The following SLC44A2 variants were observed in gnomAD, a reference collection of about 807,000 sequenced individuals.
SLC44A2 encodes choline transporter-like protein 2.
In SLC44A2, 57 loss-of-function variants were observed where a neutral mutation model predicts 90.8. The ratio of observed to expected loss-of-function variants is 0.63; its 90% confidence interval spans 0.51 to 0.78. The LOEUF (loss-of-function observed/expected upper bound fraction) is 0.78, where lower values mean the gene tolerates loss of function less well. SLC44A2 is among the 30% of genes least tolerant of loss of function. SLC44A2 has a pLI of 0.00. For synonymous variants in SLC44A2, 355 were observed against 360.7 expected (o/e 0.98, Z 0.18); for missense variants, 794 against 919.7 (o/e 0.86, Z 1.77).
At chr19:10,617,027 T>G (rs1010119530) in intron 1 of SLC44A2, among the ~76,000 whole-genome samples, 3 of 152,130 alleles carry the variant, frequency 2.0e-5, no homozygotes, top group Non-Finnish European at 4.4e-5. Context: ...GTTCATGCCA[T>G]TCTCCTGGCT....
At chr19:10,635,389 G>A (rs763564531) in intron 13 of SLC44A2, 42 bp from the exon 14 acceptor site, 3 of 1,610,816 alleles carry the variant, frequency 1.9e-6, no homozygotes, top group African/African-American at 1.3e-5. Context: ...AAGTCCCTGG[G>A]GTCCTCAGTC....
Position 10,608,954 on chromosome 19 carries a change from CTTTTTTTTT to C in SLC44A2, c.31+6406_31+6414del, listed in dbSNP as rs35684067. Among the ~76,000 whole-genome samples the C allele has an allele frequency of 2.7e-5, 3 of 111,200 alleles. No homozygotes were observed. In the South Asian group the frequency reaches 9.4e-4, roughly 35 times the overall value. 73.0% of individuals were successfully genotyped at this position (111,200 alleles called of 152,430 possible). A position where few individuals can be genotyped will look rare whatever the true frequency, so the allele number is the denominator to read the frequency against. On this transcript the variant is annotated intron_variant, in intron 1 of 21. Transcript: ENST00000407327. ...TCGTGAGCCACTGCACCCAGCCTAC[CTTTTTTTTT>C]TTTTTTTTTTTTGAGATGGAGTCTT...
At position 10,635,773 on chromosome 19, in the gene SLC44A2, C is replaced by CTTTT. The variant is rs773477557; in HGVS notation, c.1233+276_1233+279dup. The CTTTT allele has an allele frequency of 2.8e-3, 572 of 205,986 alleles. 7 individuals carry two copies. The highest frequency in any genetic ancestry group is 0.016 in the African/African-American group (547 of 34,920). The allele number at this position is 205,986 out of a possible 1,614,324, so 12.8% of individuals were successfully genotyped here. A position where few individuals can be genotyped will look rare whatever the true frequency, so the allele number is the denominator to read the frequency against. On this transcript the variant is annotated intron_variant, in intron 14 of 21. Coordinates refer to ENST00000335757, the MANE Select transcript of SLC44A2 (RefSeq NM_020428.4). The stretch of plus-strand genomic sequence containing the variant: ...TAAATCACCCATTTTTCCCTACTTC[C>CTTTT]TTTTTTTTTTTTTTTTTTTTTAATA...
intron 20 of SLC44A2, chr19:10,641,185 G>A (rs529165498): frequency 8.4e-6 from 3 of 355,046 alleles, no homozygotes; most frequent in South Asian, 6.4e-5. Flanking sequence ...TTGAGCTCAG[G>A]AGTTTGAAAA....
chr19:10,604,160 G>A (rs1308918326), intron 1 of SLC44A2, among the ~76,000 whole-genome samples: 2 of 152,182 alleles, frequency 1.3e-5, no homozygotes, highest in African/African-American at 2.4e-5. Flanking sequence ...AGTAGTCAAG[G>A]GAAGGAATGT....
In SLC44A2 at chr19:10,615,741, C is replaced by T. The variant is rs551189779; in HGVS notation, c.32-10512C>T. ...GTTGTTGGAAGGTTAACTGTCCAAA[C>T]ATTGACTTGGGAGCTGGACAGCTTG... is the stretch of plus-strand genomic sequence containing the variant. On this transcript the variant is annotated intron_variant, in intron 1 of 21. Coordinates refer to the SLC44A2 transcript ENST00000407327. 2.1e-3 allele frequency among the ~76,000 whole-genome samples: 317 copies of T among 152,270 alleles called. 1 individual carries two copies. The highest frequency in any genetic ancestry group is 2.0e-3 in the African/African-American group (83 of 41,564).
upstream of SLC44A2, among the ~76,000 whole-genome samples, chr19:10,624,679 C>T (rs945774548): frequency 1.3e-5 from 2 of 152,228 alleles, no homozygotes; most frequent in Admixed American, 6.5e-5. Flanking sequence ...AAGATAAGCC[C>T]TTTGTTAAGT....
chr19:10,642,340 A>G (rs748142905), intron 20 of SLC44A2, 27 bp from the exon 21 acceptor site: 10 of 1,604,996 alleles, frequency 6.2e-6, no homozygotes, highest in Non-Finnish European at 8.5e-6. Flanking sequence ...GACACGGAGC[A>G]GGGACAGCTC....
intron 1 of SLC44A2, among the ~76,000 whole-genome samples, chr19:10,613,542 C>T (rs755015634): frequency 2.0e-5 from 3 of 152,120 alleles, no homozygotes; most frequent in African/African-American, 4.8e-5. Flanking sequence ...TAAGCCACTG[C>T]GCCTGGCCAA....
In SLC44A2 at chr19:10,632,077, G is replaced by C; in HGVS notation, c.744G>C (p.Leu248=). 1 of 1,614,190 alleles carries C rather than the reference G, an allele frequency of 6.2e-7. No homozygotes were observed. ...TCATTGCCATGGCGATGAGCCTCCT[G>C]TTCATCATCCTGCTTCGCTTCCTGG... ...GLVIAMAMSL[L]FIILLRFLAG... Residue 248 remains leucine (L), a synonymous_variant, in exon 10 of 22, where the codon CTG becomes CTC. Transcript: ENST00000335757.
intron 5 of SLC44A2, 55 bp downstream of exon 5, chr19:10,631,196 C>G: frequency 6.2e-7 from 1 of 1,605,218 alleles, no homozygotes; most frequent in Non-Finnish European, 8.5e-7. Flanking sequence ...ATCCTTTTCC[C>G]CCTGTGAATG....
Position 10,634,608 on chromosome 19 carries a change from G to A in SLC44A2, c.824-148G>A, listed in dbSNP as rs2067033411. ...GATGTGTGGGATCCAGCCATGGGGA[G>A]AGAATGCACCGGGCGGTGGGAACTG... On this transcript the variant is annotated intron_variant, in intron 10 of 21. Coordinates refer to ENST00000335757, the MANE Select transcript of SLC44A2 (RefSeq NM_020428.4). 9.4e-6 allele frequency: 10 copies of A among 1,063,276 alleles called. No individual in the cohort carries two copies. The Admixed American group carries it at 1.1e-4, about 12-fold the overall frequency. The allele number at this position is 1,063,276 out of a possible 1,614,324, so 65.9% of individuals were successfully genotyped here.
chr19:10,643,093 G>A, intron 21 of SLC44A2, 186 bp from the exon 22 acceptor site: 1 of 1,454,214 alleles, frequency 6.9e-7, no homozygotes, highest in African/African-American at 1.4e-5. Context: ...GGGGGTTCCT[G>A]GCCTGCGAGT....
At chr19:10,609,803 C>T (rs1918230943) in intron 1 of SLC44A2, among the ~76,000 whole-genome samples, 1 of 151,734 alleles carries the variant, frequency 6.6e-6, no homozygotes, top group African/African-American at 2.4e-5. Flanking sequence ...TGATGTTACT[C>T]TTATTTATTT....
chr19:10,629,261 C>CTATTATTATTATTAT (rs6146468), intron 4 of SLC44A2, among the ~76,000 whole-genome samples: 87,701 of 144,166 alleles, frequency 0.61, 27,008 homozygotes, highest in Admixed American at 0.69. Context: ...AGTTTTTAAA[C>CTATTATTATTATTAT]TATTATTATT....
intron 14 of SLC44A2, 76 bp from the exon 15 acceptor site, chr19:10,636,247 C>T: frequency 6.6e-7 from 1 of 1,525,476 alleles, no homozygotes; most frequent in Non-Finnish European, 8.8e-7. Flanking sequence ...TTTCCTGGCC[C>T]CACACCTGAT....
chr19:10,643,072 G>A, intron 21 of SLC44A2: 1 of 1,466,054 alleles, frequency 6.8e-7, no homozygotes, highest in Non-Finnish European at 9.0e-7. Flanking sequence ...GACTGGGGGT[G>A]CATGAAGCGG....
chr19:10,603,572 C>G (rs894725010), intron 1 of SLC44A2, among the ~76,000 whole-genome samples: 1 of 152,306 alleles, frequency 6.6e-6, no homozygotes, highest in East Asian at 1.9e-4. Flanking sequence ...GACTGTATGG[C>G]CTCAGGAGGC....
chr19:10,641,499 G>A lies in SLC44A2; in HGVS notation c.1930-868G>A, dbSNP rs911721776. 34 of 424,366 alleles carry A rather than the reference G, an allele frequency of 8.0e-5. No homozygotes were observed. In the East Asian group the frequency reaches 2.3e-3, roughly 29 times the overall value. The allele number at this position is 424,366 out of a possible 1,614,324, so 26.3% of individuals were successfully genotyped here. On this transcript the variant is annotated intron_variant, in intron 20 of 21. Coordinates refer to ENST00000335757, the MANE Select transcript of SLC44A2 (RefSeq NM_020428.4). ...TTTGAGCTGAAAGCAGAAGGTCGAT[G>A]GGGCATAAATTAGATTTAAGTCAGG...
Sources: allele counts gnomAD v4.1 joint callset (sites outside exome capture counted in the v4.1 genomes callset), GRCh38; gene constraint gnomAD v4.1.1; transcripts MANE v1.5; gene names NCBI Gene and HGNC (gene_info 2026-07-23, HGNC 2026-07-21).